DNAH9: variants seen among roughly 807,000 people sequenced by gnomAD.
DNAH9 encodes the protein DNAH9 variant protein.
In DNAH9, 345 loss-of-function variants were observed where a neutral mutation model predicts 471.6. The observed-to-expected ratio is 0.73, with a 90% CI of 0.67 to 0.80. DNAH9 has a LOEUF of 0.80. DNAH9 is among the 30% of genes least tolerant of loss of function. The pLI is 0.00. For missense variants in DNAH9, 5,407 were observed against 5,609.2 expected, an observed-to-expected ratio of 0.96 and a Z score of 1.15; for synonymous variants, 2,093 against 2,123.6, an observed-to-expected ratio of 0.99 and a Z score of 0.40.
At chr17:11,676,275 C>CTTTTT (rs67397847) in intron 17 of DNAH9, among the ~76,000 whole-genome samples, 568 of 73,832 alleles carry the variant, frequency 7.7e-3, no homozygotes, top group Middle Eastern at 0.016. Context: ...CATTTCTGTT[C>CTTTTT]TTTTTTTTTT....
chr17:11,961,728 GTT>G lies in DNAH9; in HGVS notation c.12844-136_12844-135del, dbSNP rs143970860. 2,670 of 1,085,850 alleles carry G rather than the reference GTT, an allele frequency of 2.5e-3. 46 individuals carry two copies. In the African/African-American group the frequency reaches 0.038, roughly 15 times the overall value. 67.3% of individuals were successfully genotyped at this position (1,085,850 alleles called of 1,614,324 possible). A position where few individuals can be genotyped will look rare whatever the true frequency, so the allele number is the denominator to read the frequency against. On this transcript the variant is annotated intron_variant, in intron 67 of 68. Transcript: ENST00000262442. ...AGTCATTGTGTCACCTACCCCTGGAGTTTTATGTTCAAATGACATGAACAAGG... is the reference window on the plus strand; with the variant it reads ...AGTCATTGTGTCACCTACCCCTGGAGTTATGTTCAAATGACATGAACAAGG...
intron 45 of DNAH9, among the ~76,000 whole-genome samples, chr17:11,813,594 C>T (rs933559579): frequency 2.6e-5 from 4 of 152,146 alleles, no homozygotes; most frequent in East Asian, 1.9e-4. Flanking sequence ...ACAAGTCCTA[C>T]GAGGTTGGAT....
At chr17:11,682,671 A>C (rs1032079398) in intron 19 of DNAH9, among the ~76,000 whole-genome samples, 9 of 152,106 alleles carry the variant, frequency 5.9e-5, no homozygotes, top group Non-Finnish European at 1.3e-4. Flanking sequence ...TCACCTGGAG[A>C]GATTTTAAAA....
At chr17:11,836,053 A>G (rs73980514) in intron 49 of DNAH9, among the ~76,000 whole-genome samples, 1,752 of 152,306 alleles carry the variant, frequency 0.012, 40 homozygotes, top group African/African-American at 0.04. Context: ...AGTCTTTTTG[A>G]AGTCCCTCCT....
chr17:11,833,100 T>C (rs1597711705), intron 48 of DNAH9, among the ~76,000 whole-genome samples: 1 of 152,218 alleles, frequency 6.6e-6, no homozygotes, highest in East Asian at 1.9e-4. Flanking sequence ...ATCACATCAC[T>C]CTGCTGATCT....
At chr17:11,963,857 T>C (rs1412451905) in intron 68 of DNAH9, among the ~76,000 whole-genome samples, 2 of 152,026 alleles carry the variant, frequency 1.3e-5, no homozygotes, top group South Asian at 2.1e-4. Flanking sequence ...AAGAAGACCA[T>C]GTAGAGACAC....
chr17:11,651,998 G>GA (rs1012463835), intron 13 of DNAH9, among the ~76,000 whole-genome samples: 14 of 148,700 alleles, frequency 9.4e-5, no homozygotes, highest in South Asian at 2.1e-4. Context: ...GTTAAAGTTT[G>GA]AAAAAAAAAG....
At chr17:11,940,983 T>G (rs999023268) in intron 66 of DNAH9, among the ~76,000 whole-genome samples, 4 of 151,972 alleles carry the variant, frequency 2.6e-5, no homozygotes, top group East Asian at 1.9e-4. Flanking sequence ...TAAGAAGAGA[T>G]AAAAAATCAC....
intron 29 of DNAH9, 44 bp from the exon 30 acceptor site, chr17:11,742,131 T>C: frequency 1.9e-6 from 3 of 1,602,942 alleles, no homozygotes; most frequent in South Asian, 1.1e-5. Context: ...TCTTCAACAC[T>C]GTACTTGGGA....
intron 38 of DNAH9, 24 bp from the exon 39 acceptor site, chr17:11,780,985 C>T: frequency 6.2e-7 from 1 of 1,609,092 alleles, no homozygotes; most frequent in Non-Finnish European, 8.5e-7. Context: ...GCCGCCTTCC[C>T]TCACCGACTG....
chr17:11,833,222 C>T (rs1483001400), intron 48 of DNAH9, among the ~76,000 whole-genome samples: 2 of 152,232 alleles, frequency 1.3e-5, no homozygotes, highest in African/African-American at 4.8e-5. Flanking sequence ...CATATGACTT[C>T]AGAGGCTGGG....
chr17:11,835,729 C>A (rs919450925), intron 49 of DNAH9, among the ~76,000 whole-genome samples: 1 of 152,170 alleles, frequency 6.6e-6, no homozygotes, highest in African/African-American at 2.4e-5. Context: ...GACCTCATCC[C>A]TACAGATTGC....
intron 49 of DNAH9, among the ~76,000 whole-genome samples, chr17:11,847,482 C>T (rs1158435681): frequency 1.3e-5 from 2 of 152,058 alleles, no homozygotes; most frequent in African/African-American, 4.8e-5. Context: ...TTCTCCATGA[C>T]CTGTTTTTGT....
chr17:11,919,370 C>T (rs906230728), intron 61 of DNAH9, among the ~76,000 whole-genome samples: 2 of 151,898 alleles, frequency 1.3e-5, no homozygotes, highest in Admixed American at 1.3e-4. Flanking sequence ...TGGCGGGCGC[C>T]TGTAGTCCCA....
intron 35 of DNAH9, among the ~76,000 whole-genome samples, chr17:11,758,756 A>T (rs994040873): frequency 2.0e-5 from 3 of 152,196 alleles, no homozygotes; most frequent in African/African-American, 7.2e-5. Context: ...TGAATTTTGT[A>T]TACCTAAAAA....
At chr17:11,948,371 G>A (rs12947604) in intron 67 of DNAH9, among the ~76,000 whole-genome samples, 36,462 of 151,440 alleles carry the variant, frequency 0.24, 5,155 homozygotes, top group Middle Eastern at 0.33. Context: ...TGGAATTACA[G>A]GTGCCTGCCA....
At position 11,900,862 on chromosome 17, in the gene DNAH9, G is replaced by A. The variant is rs538874406; in HGVS notation, c.11407-1857G>A. On this transcript the variant is annotated intron_variant, in intron 59 of 68. Transcript: ENST00000262442. ...AGGCATTCAGGCAGAGTTGAGTAAT[G>A]AAGGCAGGACTGCAGGTAATTAAGT... 1.3e-4 allele frequency among the ~76,000 whole-genome samples: 20 copies of A among 152,280 alleles called. No individual in the cohort carries two copies. The South Asian group carries it at 3.9e-3, about 30-fold the overall frequency.
intron 28 of DNAH9, among the ~76,000 whole-genome samples, chr17:11,729,289 C>G (rs2191077): frequency 2.0e-5 from 3 of 152,100 alleles, no homozygotes; most frequent in Non-Finnish European, 2.9e-5. Flanking sequence ...TCCCTGCAGG[C>G]TGAGCACCCC....
chr17:11,653,335 C>T (rs201488848), intron 14 of DNAH9, among the ~76,000 whole-genome samples: 1 of 152,172 alleles, frequency 6.6e-6, no homozygotes, highest in South Asian at 2.1e-4. Flanking sequence ...ATCCCCATCC[C>T]GGCTTGCCCA....
Sources: allele counts gnomAD v4.1 joint callset (sites outside exome capture counted in the v4.1 genomes callset), GRCh38; gene constraint gnomAD v4.1.1; transcripts MANE v1.5; gene names NCBI Gene and HGNC (gene_info 2026-07-23, HGNC 2026-07-21).